Variants in FOXN2 observed in about 807,000 individuals in gnomAD.
FOXN2 encodes the protein forkhead box protein N2.
FOXN2 carries 19 observed loss-of-function variants against 41.2 expected under a neutral mutation model. The observed-to-expected ratio is 0.46, with a 90% CI of 0.32 to 0.68. The LOEUF (loss-of-function observed/expected upper bound fraction) is 0.68. FOXN2 is among the 30% of genes least tolerant of loss of function. The pLI is 0.03. For synonymous variants in FOXN2, 195 were observed against 176.8 expected, an observed-to-expected ratio of 1.10 and a Z score of -0.82; for missense variants, 587 against 509.4, an observed-to-expected ratio of 1.15 and a Z score of -1.47.
At position 48,349,835 on chromosome 2, in the gene FOXN2, A is replaced by G. The variant is rs148210900; in HGVS notation, c.537+3084A>G. Among the ~76,000 whole-genome samples, 290 of 152,258 alleles carry G rather than the reference A, an allele frequency of 1.9e-3. 1 individual carries two copies. The highest frequency in any genetic ancestry group is 6.1e-3 in the African/African-American group (253 of 41,580). On this transcript the variant is annotated intron_variant, in intron 3 of 6. Coordinates refer to ENST00000340553, the MANE Select transcript of FOXN2 (RefSeq NM_002158.4). Reference sequence around the variant, plus strand: ...TGTAACATATGAACTCTTACCTTTGACAGAGCACAGAAATGGCAGTCGTAA... The same window carrying G: ...TGTAACATATGAACTCTTACCTTTGGCAGAGCACAGAAATGGCAGTCGTAA...
chr2:48,334,945 C>A (rs1247472530), intron 2 of FOXN2, among the ~76,000 whole-genome samples: 1 of 152,152 alleles, frequency 6.6e-6, no homozygotes, highest in Non-Finnish European at 1.5e-5. Context: ...CACTAGTTTG[C>A]AGCATAAATT....
chr2:48,313,945 G>C (rs13429989), upstream of FOXN2, among the ~76,000 whole-genome samples: 1,761 of 152,306 alleles, frequency 0.012, 41 homozygotes, highest in African/African-American at 0.04. Context: ...TATTATTATG[G>C]ATATGACAAT....
rs553724004 is a variant in FOXN2, at chr2:48,359,358, A to T, written c.638+211A>T. On this transcript the variant is annotated intron_variant, in intron 4 of 6. Coordinates refer to ENST00000340553, the MANE Select transcript of FOXN2 (RefSeq NM_002158.4). ...ACCTAGGCTGGAGTGCAGTAGCGAG[A>T]TCTCGGCTCACTGCAACCTCCCTCT... Among the ~76,000 whole-genome samples, 10 of 152,256 alleles carry T rather than the reference A, an allele frequency of 6.6e-5. No homozygotes were observed. The East Asian group carries it at 1.9e-3, about 29-fold the overall frequency.
In FOXN2 at chr2:48,346,190, C is replaced by T. The variant is rs1040306836; in HGVS notation, c.-14-11C>T. On this transcript the variant is annotated splice_polypyrimidine_tract_variant and intron_variant, in intron 2 of 6. Transcript: ENST00000340553. The stretch of plus-strand genomic sequence containing the variant: ...AAAGTATTACATTGATAATTGTTTC[C>T]TTTGTTGCAGAACTGTAAGAGTAAA... 8 of 1,550,912 alleles carry T rather than the reference C, an allele frequency of 5.2e-6. No individual in the cohort carries two copies. The African/African-American group carries it at 6.9e-5, about 13-fold the overall frequency.
intron 1 of FOXN2, among the ~76,000 whole-genome samples, chr2:48,317,069 G>A (rs1271566389): frequency 6.6e-6 from 1 of 152,058 alleles, no homozygotes; most frequent in African/African-American, 2.4e-5. Context: ...AGTAAATGAG[G>A]TCATAAAATA....
chr2:48,334,857 C>T (rs11687461), intron 2 of FOXN2, among the ~76,000 whole-genome samples: 11,384 of 152,222 alleles, frequency 0.075, 590 homozygotes, highest in Non-Finnish European at 0.12. Flanking sequence ...AGGGTTTCTA[C>T]AGAGAAATTT....
At chr2:48,334,823 G>A (rs1249640790) in intron 2 of FOXN2, among the ~76,000 whole-genome samples, 1 of 152,144 alleles carries the variant, frequency 6.6e-6, no homozygotes, top group African/African-American at 2.4e-5. Flanking sequence ...GAGTGATATA[G>A]AAATTATTTC....
At chr2:48,314,504 A>G (rs1668748886), upstream of FOXN2, 1 of 152,404 alleles carries the variant, frequency 6.6e-6, no homozygotes, top group African/African-American at 2.4e-5. Context: ...TCCCTTCGGT[A>G]GGAGGTGGGC....
At chr2:48,360,582 A>C (rs747670206) in intron 4 of FOXN2, among the ~76,000 whole-genome samples, 20 of 152,212 alleles carry the variant, frequency 1.3e-4, no homozygotes, top group Non-Finnish European at 2.5e-4. Flanking sequence ...ATTATAGATT[A>C]GATGGATCAT....
intron 4 of FOXN2, among the ~76,000 whole-genome samples, chr2:48,361,506 A>T (rs1672184571): frequency 6.6e-6 from 1 of 152,014 alleles, no homozygotes; most frequent in African/African-American, 2.4e-5. Context: ...CATAAGGGTT[A>T]TATATAACCT....
At chr2:48,341,397 A>T (rs976640432) in intron 2 of FOXN2, among the ~76,000 whole-genome samples, 1 of 152,172 alleles carries the variant, frequency 6.6e-6, no homozygotes, top group Admixed American at 6.5e-5. Context: ...AACACACTAA[A>T]ATTGTGCACA....
At chr2:48,368,450 C>T (rs899577890) in intron 5 of FOXN2, among the ~76,000 whole-genome samples, 2 of 152,036 alleles carry the variant, frequency 1.3e-5, no homozygotes, top group Non-Finnish European at 2.9e-5. Context: ...CGAGATGGAT[C>T]CCTCAGGAGT....
chr2:48,317,887 G>A (rs919113662), intron 1 of FOXN2, among the ~76,000 whole-genome samples: 3 of 151,760 alleles, frequency 2.0e-5, no homozygotes, highest in African/African-American at 7.3e-5. Flanking sequence ...GATTACAGGC[G>A]GGAACCACCA....
At chr2:48,350,412 G>T (rs1242534195) in intron 3 of FOXN2, among the ~76,000 whole-genome samples, 1 of 152,208 alleles carries the variant, frequency 6.6e-6, no homozygotes, top group Non-Finnish European at 1.5e-5. Context: ...ATGGCACATT[G>T]CCTTGTTAAA....
Position 48,337,319 on chromosome 2 carries a change from G to A in FOXN2, c.-15+8617G>A, listed in dbSNP as rs141446717. Reference sequence around the variant, plus strand: ...TTTTTTTTTTTTTTAAAGTGAGACGGAGTTGTCTCCCTTTGTTGCTTAGGC... The same window carrying A: ...TTTTTTTTTTTTTTAAAGTGAGACGAAGTTGTCTCCCTTTGTTGCTTAGGC... On this transcript the variant is annotated intron_variant, in intron 2 of 6. Transcript: ENST00000340553. 5.2e-3 allele frequency among the ~76,000 whole-genome samples: 776 copies of A among 150,494 alleles called. 1 individual carries two copies. Among genetic ancestry groups the A allele is most frequent in the Non-Finnish European group, 8.1e-3 (551 of 67,706 alleles).
chr2:48,362,292 C>G (rs1411616838), intron 4 of FOXN2, among the ~76,000 whole-genome samples: 1 of 152,158 alleles, frequency 6.6e-6, no homozygotes, highest in Non-Finnish European at 1.5e-5. Context: ...TAGTTGGGTG[C>G]AAGTGGCTCA....
At chr2:48,319,785 A>ATT (rs545797179) in intron 1 of FOXN2, among the ~76,000 whole-genome samples, 38 of 98,744 alleles carry the variant, frequency 3.8e-4, no homozygotes, top group South Asian at 9.8e-4. Flanking sequence ...TAATTTTTTA[A>ATT]TTTTTTTTTT....
Position 48,375,394 on chromosome 2 carries a change from C to A in FOXN2, c.1247C>A (p.Ser416Tyr), listed in dbSNP as rs777291785. 3 of 1,613,306 alleles carry A rather than the reference C, an allele frequency of 1.9e-6. No homozygotes were observed. The South Asian group carries it at 3.3e-5, about 18-fold the overall frequency. ...HLAGIRTCLGSLISTAKTQNQ... is the reference protein window; with the variant it reads ...HLAGIRTCLGYLISTAKTQNQ... ...GCTGGAATTCGTACATGTTTAGGTT[C>A]CCTAATAAGTACTGCAAAGACACAA... Residue 416 changes from serine (S) to tyrosine (Y), a missense_variant, in exon 7 of 7, where the codon TCC becomes TAC. Coordinates refer to ENST00000340553, the MANE Select transcript of FOXN2 (RefSeq NM_002158.4).
At chr2:48,332,383 G>C (rs991254966) in intron 2 of FOXN2, among the ~76,000 whole-genome samples, 8 of 152,116 alleles carry the variant, frequency 5.3e-5, no homozygotes, top group African/African-American at 1.9e-4. Context: ...TAGAAGAAGG[G>C]TTCTATCATG....
Sources: allele counts gnomAD v4.1 joint callset (sites outside exome capture counted in the v4.1 genomes callset), GRCh38; gene constraint gnomAD v4.1.1; transcripts MANE v1.5; gene names NCBI Gene and HGNC (gene_info 2026-07-23, HGNC 2026-07-21).